IMMP2L: variants seen among roughly 807,000 people sequenced by gnomAD.
IMMP2L encodes inner mitochondrial membrane peptidase subunit 2.
IMMP2L carries 18 observed loss-of-function variants against 19.3 expected under a neutral mutation model. That is an observed-to-expected ratio of 0.93 (90% CI 0.64 to 1.38). The LOEUF (loss-of-function observed/expected upper bound fraction) is 1.38. Among genes scored for constraint, IMMP2L ranks in the 40% most tolerant of loss-of-function variants. The pLI is 0.00. For missense variants in IMMP2L, 233 were observed against 218.2 expected (o/e 1.07, Z -0.43); for synonymous variants, 76 against 73.0 (o/e 1.04, Z -0.21).
chr7:111,041,594 T>A (rs1210657152), intron 3 of IMMP2L, among the ~76,000 whole-genome samples: 2 of 151,636 alleles, frequency 1.3e-5, no homozygotes, highest in Non-Finnish European at 2.9e-5. Context: ...CAGTCTACAT[T>A]TCTGATGTGT....
intron 3 of IMMP2L, among the ~76,000 whole-genome samples, chr7:111,269,107 C>T (rs1818169442): frequency 6.6e-6 from 1 of 152,126 alleles, no homozygotes; most frequent in Non-Finnish European, 1.5e-5. Context: ...TGTCTGAGAT[C>T]CATACCTAGT....
At chr7:111,334,749 C>T (rs1826224646) in intron 3 of IMMP2L, among the ~76,000 whole-genome samples, 1 of 152,008 alleles carries the variant, frequency 6.6e-6, no homozygotes, top group African/African-American at 2.4e-5. Context: ...GTTGATGGCA[C>T]TGATTGCCCA....
intron 5 of IMMP2L, among the ~76,000 whole-genome samples, chr7:110,736,958 C>A (rs1796673695): frequency 6.6e-6 from 1 of 152,096 alleles, no homozygotes; most frequent in South Asian, 2.1e-4. Flanking sequence ...GTGAGAAGGT[C>A]ATGAATTTTG....
chr7:111,558,201 C>T (rs1369629045), intron 1 of IMMP2L, among the ~76,000 whole-genome samples: 1 of 152,086 alleles, frequency 6.6e-6, no homozygotes, highest in African/African-American at 2.4e-5. Context: ...ATGGACTGAG[C>T]AAAAGACTGC....
chr7:111,195,544 A>G (rs975891568), intron 3 of IMMP2L, among the ~76,000 whole-genome samples: 11 of 152,180 alleles, frequency 7.2e-5, no homozygotes, highest in Non-Finnish European at 1.2e-4. Context: ...TATTGTGTAG[A>G]AACTTTATTA....
intron 3 of IMMP2L, among the ~76,000 whole-genome samples, chr7:111,463,246 C>A (rs913100431): frequency 5.9e-5 from 9 of 151,860 alleles, no homozygotes; most frequent in Non-Finnish European, 1.3e-4. Flanking sequence ...GGATTAGGAC[C>A]CATACAAATG....
At chr7:111,150,101 G>A (rs549370955) in intron 3 of IMMP2L, among the ~76,000 whole-genome samples, 9 of 152,142 alleles carry the variant, frequency 5.9e-5, no homozygotes, top group East Asian at 1.9e-4. Context: ...GCAAGAAAAC[G>A]TAAAATCTCA....
chr7:111,012,274 T>C (rs538073772), intron 3 of IMMP2L, among the ~76,000 whole-genome samples: 1 of 152,286 alleles, frequency 6.6e-6, no homozygotes, highest in East Asian at 1.9e-4. Flanking sequence ...TCCATTATCA[T>C]TTTGAATTTA....
intron 3 of IMMP2L, among the ~76,000 whole-genome samples, chr7:111,040,306 G>A (rs1563184940): frequency 6.6e-6 from 1 of 152,148 alleles, no homozygotes; most frequent in Non-Finnish European, 1.5e-5. Context: ...TAGATATGGA[G>A]TTGCCAAAAT....
chr7:111,389,566 T>C (rs1832128581), intron 3 of IMMP2L, among the ~76,000 whole-genome samples: 1 of 151,800 alleles, frequency 6.6e-6, no homozygotes, highest in African/African-American at 2.4e-5. Context: ...TAATAATGTG[T>C]AATGGTAAGA....
chr7:111,294,844 TCA>T (rs1308210336), intron 3 of IMMP2L, among the ~76,000 whole-genome samples: 1 of 151,984 alleles, frequency 6.6e-6, no homozygotes, highest in Non-Finnish European at 1.5e-5. Context: ...TGTAATTTTC[TCA>T]GTCAGTATTT....
intron 3 of IMMP2L, among the ~76,000 whole-genome samples, chr7:111,079,078 A>T (rs938881394): frequency 6.6e-6 from 1 of 151,990 alleles, no homozygotes; most frequent in Non-Finnish European, 1.5e-5. Flanking sequence ...AGGAATCAAA[A>T]TCAATACATG....
intron 5 of IMMP2L, among the ~76,000 whole-genome samples, chr7:110,736,395 A>G (rs969198702): frequency 1.8e-4 from 27 of 152,208 alleles, no homozygotes; most frequent in Non-Finnish European, 2.9e-5. Context: ...GCAAATATCC[A>G]GTAAAGCTGT....
At chr7:110,684,863 T>C (rs987132563) in intron 5 of IMMP2L, among the ~76,000 whole-genome samples, 1 of 152,084 alleles carries the variant, frequency 6.6e-6, no homozygotes. Flanking sequence ...TGCCTATGGA[T>C]GAAGTCTTTT....
chr7:110,775,954 T>G (rs1799356173), intron 5 of IMMP2L, among the ~76,000 whole-genome samples: 2 of 143,832 alleles, frequency 1.4e-5, no homozygotes, highest in Non-Finnish European at 3.0e-5. Context: ...ATAAGCAAAA[T>G]ACACACATGT....
chr7:111,010,911 T>G (rs1033557478), intron 3 of IMMP2L, among the ~76,000 whole-genome samples: 1 of 151,194 alleles, frequency 6.6e-6, no homozygotes, highest in African/African-American at 2.4e-5. Flanking sequence ...CCTCAAAGTT[T>G]ACTGCTTAAT....
intron 5 of IMMP2L, among the ~76,000 whole-genome samples, chr7:110,713,272 C>T (rs1439736093): frequency 6.6e-6 from 1 of 152,146 alleles, no homozygotes; most frequent in Non-Finnish European, 1.5e-5. Flanking sequence ...GTCTACATGT[C>T]TGTTTTTGTA....
chr7:111,198,673 C>T (rs980347457), intron 3 of IMMP2L, among the ~76,000 whole-genome samples: 13 of 152,194 alleles, frequency 8.5e-5, no homozygotes, highest in Non-Finnish European at 4.4e-5. Context: ...CTACCAAAAT[C>T]TTATCCTTCT....
chr7:111,291,026 A>G (rs1213426153), intron 3 of IMMP2L, among the ~76,000 whole-genome samples: 1 of 152,014 alleles, frequency 6.6e-6, no homozygotes, highest in African/African-American at 2.4e-5. Flanking sequence ...TCAAATAAAG[A>G]TCCTATAGAA....
Sources: allele counts gnomAD v4.1 joint callset (sites outside exome capture counted in the v4.1 genomes callset), GRCh38; gene constraint gnomAD v4.1.1; transcripts MANE v1.5; gene names NCBI Gene and HGNC (gene_info 2026-07-23, HGNC 2026-07-21).